GALNTL6: variants seen among roughly 807,000 people sequenced by gnomAD.
The protein encoded by GALNTL6 is polypeptide N-acetylgalactosaminyltransferase like 6.
A neutral mutation model predicts 73.7 loss-of-function variants in GALNTL6; 46 were observed. The ratio of observed to expected loss-of-function variants is 0.62; its 90% CI spans 0.49 to 0.80. The LOEUF is 0.80. Among genes scored for constraint, GALNTL6 ranks in the 30% least tolerant of loss-of-function variants. The probability of loss-of-function intolerance (pLI) is 0.00; values close to 1 mark genes in which losing one functional copy is unlikely to be tolerated. For missense variants in GALNTL6, 604 were observed against 755.0 expected (o/e 0.80, Z 2.34); for synonymous variants, 259 against 263.7 (o/e 0.98, Z 0.17).
intron 3 of GALNTL6, among the ~76,000 whole-genome samples, chr4:172,270,150 C>A (rs546083221): frequency 6.6e-6 from 1 of 151,934 alleles, no homozygotes; most frequent in Admixed American, 6.6e-5. Flanking sequence ...CTGATTTCCA[C>A]TCCTTTTACT....
intron 7 of GALNTL6, among the ~76,000 whole-genome samples, chr4:172,869,428 A>C (rs144872954): frequency 2.6e-5 from 4 of 152,280 alleles, no homozygotes; most frequent in African/African-American, 9.6e-5. Flanking sequence ...CCGGAGAAAA[A>C]GACAGAAAAA....
chr4:171,930,198 A>G (rs1179645993), intron 2 of GALNTL6, among the ~76,000 whole-genome samples: 1 of 152,246 alleles, frequency 6.6e-6, no homozygotes, highest in Admixed American at 6.5e-5. Flanking sequence ...GGTCCTGCAC[A>G]CCAATACATG....
At chr4:172,823,826 T>C (rs1453535240) in intron 7 of GALNTL6, among the ~76,000 whole-genome samples, 2 of 152,192 alleles carry the variant, frequency 1.3e-5, no homozygotes, top group Non-Finnish European at 2.9e-5. Flanking sequence ...AAATCATTTT[T>C]AAAACCACAA....
chr4:172,842,021 G>T (rs888736050), intron 7 of GALNTL6, among the ~76,000 whole-genome samples: 2 of 152,166 alleles, frequency 1.3e-5, no homozygotes, highest in African/African-American at 4.8e-5. Flanking sequence ...ATCCCTGTGA[G>T]TTAGGCCAGG....
At chr4:172,475,777 A>G (rs532482121) in intron 5 of GALNTL6, among the ~76,000 whole-genome samples, 5 of 152,328 alleles carry the variant, frequency 3.3e-5, no homozygotes, top group African/African-American at 1.2e-4. Flanking sequence ...GTGAAAATCA[A>G]AGTGAAATCT....
At chr4:171,866,383 T>C (rs957834160) in intron 2 of GALNTL6, among the ~76,000 whole-genome samples, 2 of 152,162 alleles carry the variant, frequency 1.3e-5, no homozygotes, top group African/African-American at 4.8e-5. Flanking sequence ...TGAAATATTA[T>C]TGAAGAAAAA....
chr4:172,367,592 A>C (rs781643350), intron 5 of GALNTL6, among the ~76,000 whole-genome samples: 3 of 152,218 alleles, frequency 2.0e-5, no homozygotes, highest in South Asian at 2.1e-4. Context: ...TGTTGCTTCT[A>C]TCTGGCATTG....
At chr4:172,578,564 A>C (rs1737049596) in intron 5 of GALNTL6, among the ~76,000 whole-genome samples, 1 of 152,220 alleles carries the variant, frequency 6.6e-6, no homozygotes, top group Non-Finnish European at 1.5e-5. Context: ...TTGCAATAGC[A>C]GTGGCCTCTT....
chr4:172,207,712 A>C lies in GALNTL6; in HGVS notation c.139-21944A>C, dbSNP rs112431869. Among the ~76,000 whole-genome samples, 830 of 152,234 alleles carry C rather than the reference A, an allele frequency of 5.5e-3. 10 individuals are homozygous for C. The highest frequency in any genetic ancestry group is 9.1e-3 in the Non-Finnish European group (618 of 68,018). ...TAGCTATGTGACCTTCAGTACTTGA[A>C]TTCTCTGTCCCTCAATTTCCTCAAC... On this transcript the variant is annotated intron_variant, in intron 2 of 12. Coordinates refer to ENST00000506823, the MANE Select transcript of GALNTL6 (RefSeq NM_001034845.3).
intron 2 of GALNTL6, among the ~76,000 whole-genome samples, chr4:172,124,182 T>C (rs1733230794): frequency 6.6e-6 from 1 of 152,234 alleles, no homozygotes; most frequent in African/African-American, 2.4e-5. Context: ...TCTAAACCTT[T>C]TATGCAATTT....
At chr4:172,244,963 A>G (rs1737571733) in intron 3 of GALNTL6, among the ~76,000 whole-genome samples, 1 of 152,152 alleles carries the variant, frequency 6.6e-6, no homozygotes, top group African/African-American at 2.4e-5. Context: ...CACATTTGTG[A>G]GGAGTCATAT....
At chr4:172,166,941 G>A (rs1040606459) in intron 2 of GALNTL6, among the ~76,000 whole-genome samples, 4 of 152,192 alleles carry the variant, frequency 2.6e-5, no homozygotes, top group African/African-American at 4.8e-5. Context: ...AAGGGGACAA[G>A]CCATTCTGAA....
chr4:172,825,818 G>A (rs555054278), intron 7 of GALNTL6, among the ~76,000 whole-genome samples: 1 of 152,176 alleles, frequency 6.6e-6, no homozygotes, highest in Non-Finnish European at 1.5e-5. Flanking sequence ...GCTAGTGTGG[G>A]ATCAGGCCAT....
At chr4:172,881,905 T>A (rs1745472147) in intron 7 of GALNTL6, among the ~76,000 whole-genome samples, 1 of 152,092 alleles carries the variant, frequency 6.6e-6, no homozygotes, top group Non-Finnish European at 1.5e-5. Context: ...TTCCACCTCT[T>A]CTGCGTGATT....
At chr4:172,580,443 A>G (rs1409796980) in intron 5 of GALNTL6, among the ~76,000 whole-genome samples, 1 of 152,238 alleles carries the variant, frequency 6.6e-6, no homozygotes, top group East Asian at 1.9e-4. Context: ...TAAATATCAG[A>G]TTGGACATAA....
chr4:171,988,828 C>G (rs1440719410), intron 2 of GALNTL6, among the ~76,000 whole-genome samples: 2 of 151,942 alleles, frequency 1.3e-5, no homozygotes, highest in Admixed American at 6.6e-5. Flanking sequence ...GTAAGGGGGG[C>G]ATGATCGGTC....
At chr4:172,722,447 G>A (rs1028299728) in intron 5 of GALNTL6, among the ~76,000 whole-genome samples, 40 of 152,018 alleles carry the variant, frequency 2.6e-4, no homozygotes, top group African/African-American at 8.9e-4. Context: ...TCACTCTAAT[G>A]TGTTCTTTGA....
intron 10 of GALNTL6, among the ~76,000 whole-genome samples, chr4:173,001,295 G>A (rs576134527): frequency 6.7e-4 from 102 of 152,166 alleles, no homozygotes; most frequent in South Asian, 1.7e-3. Context: ...GCTTTCCTTC[G>A]GAAGCCATTT....
intron 2 of GALNTL6, among the ~76,000 whole-genome samples, chr4:172,089,962 T>C (rs1280599776): frequency 1.3e-5 from 2 of 152,222 alleles, no homozygotes; most frequent in South Asian, 4.1e-4. Context: ...TTTAGTTTTC[T>C]GTTCCTGTGT....
Sources: gnomAD v4.1 joint callset for allele counts (sites outside exome capture counted in the v4.1 genomes callset) on GRCh38, gnomAD v4.1.1 for gene constraint, MANE v1.5 for transcripts, NCBI Gene and HGNC (gene_info 2026-07-23, HGNC 2026-07-21) for gene names.